The following LRRC7 variants were observed in gnomAD, a reference collection of about 807,000 sequenced individuals.
LRRC7 encodes the protein leucine rich repeat containing 7, also known as leucine-rich repeat-containing protein 7.
A neutral mutation model predicts 175.7 loss-of-function variants in LRRC7; 23 were observed. The observed-to-expected ratio is 0.13, with a 90% CI of 0.09 to 0.19. The LOEUF is 0.19. Ranked by LOEUF, LRRC7 falls within the 10% of genes least tolerant of loss-of-function variation. LRRC7 has a pLI of 1.00. For synonymous variants in LRRC7, 685 were observed against 680.9 expected, an observed-to-expected ratio of 1.01 and a Z score of -0.09; for missense variants, 1,354 against 1,904.7, an observed-to-expected ratio of 0.71 and a Z score of 5.38.
intron 11 of LRRC7, among the ~76,000 whole-genome samples, chr1:69,999,652 A>G (rs1655337165): frequency 6.6e-6 from 1 of 152,202 alleles, no homozygotes; most frequent in African/African-American, 2.4e-5. Context: ...AGGTACTAAT[A>G]GTTCAGGTGT....
chr1:69,832,395 A>G (rs1334582987), intron 5 of LRRC7, among the ~76,000 whole-genome samples: 1 of 152,150 alleles, frequency 6.6e-6, no homozygotes, highest in Admixed American at 6.6e-5. Flanking sequence ...GGGGCAGGCA[A>G]TCATGATTTG....
chr1:69,768,152 T>C (rs1288687266), intron 3 of LRRC7, among the ~76,000 whole-genome samples: 1 of 152,164 alleles, frequency 6.6e-6, no homozygotes, highest in African/African-American at 2.4e-5. Context: ...GCCCATGAAA[T>C]AGCAGAAATC....
chr1:69,945,462 C>T (rs1649206718), intron 8 of LRRC7, among the ~76,000 whole-genome samples: 1 of 152,016 alleles, frequency 6.6e-6, no homozygotes, highest in Non-Finnish European at 1.5e-5. Context: ...GTTCTTTTTG[C>T]TCAAGATTGC....
At chr1:69,939,037 A>ATCTATC (rs1392909991) in intron 8 of LRRC7, among the ~76,000 whole-genome samples, 2 of 80,938 alleles carry the variant, frequency 2.5e-5, no homozygotes, top group African/African-American at 7.7e-5. Context: ...ATATCTATAT[A>ATCTATC]TATCTATATC....
At chr1:69,753,047 G>A (rs2100905122) in intron 2 of LRRC7, among the ~76,000 whole-genome samples, 2 of 152,198 alleles carry the variant, frequency 1.3e-5, no homozygotes, top group East Asian at 3.9e-4. Flanking sequence ...ATACTGGACG[G>A]TGGCCATGTT....
intron 7 of LRRC7, among the ~76,000 whole-genome samples, chr1:69,880,760 A>G (rs924994468): frequency 6.8e-6 from 1 of 146,432 alleles, no homozygotes; most frequent in Admixed American, 6.6e-5. Flanking sequence ...CTTGTCATAT[A>G]TAAGGAAAAA....
At chr1:70,025,297 TTAATAA>T (rs1446353227) in intron 17 of LRRC7, among the ~76,000 whole-genome samples, 3 of 150,840 alleles carry the variant, frequency 2.0e-5, no homozygotes, top group African/African-American at 7.3e-5. Flanking sequence ...ACCTATAGAA[TTAATAA>T]TAATGTTTAT....
intron 8 of LRRC7, among the ~76,000 whole-genome samples, chr1:69,967,985 G>T (rs916505773): frequency 2.6e-5 from 4 of 152,020 alleles, no homozygotes; most frequent in African/African-American, 7.2e-5. Flanking sequence ...TAATTCAGAA[G>T]GTTAGTTATT....
At chr1:69,907,894 A>G (rs1227950569) in intron 7 of LRRC7, among the ~76,000 whole-genome samples, 5 of 151,540 alleles carry the variant, frequency 3.3e-5, no homozygotes, top group African/African-American at 4.9e-5. Context: ...CTGGTCCTGG[A>G]CTCTTTTTGG....
intron 2 of LRRC7, among the ~76,000 whole-genome samples, chr1:69,704,718 A>T (rs1352378364): frequency 2.0e-5 from 3 of 151,996 alleles, no homozygotes; most frequent in African/African-American, 7.2e-5. Flanking sequence ...CATAAATCTA[A>T]TACATTGTAT....
chr1:69,674,003 T>G (rs1659454011), intron 1 of LRRC7, among the ~76,000 whole-genome samples: 1 of 152,050 alleles, frequency 6.6e-6, no homozygotes, highest in Non-Finnish European at 1.5e-5. Flanking sequence ...ATATATATTT[T>G]ACATCTATAA....
chr1:69,927,870 G>A (rs986150221), intron 7 of LRRC7, among the ~76,000 whole-genome samples: 3 of 152,186 alleles, frequency 2.0e-5, no homozygotes, highest in Non-Finnish European at 4.4e-5. Context: ...TTCCTTTGGA[G>A]GAGGAGAGGC....
chr1:69,805,295 A>T (rs1400477457), intron 4 of LRRC7, among the ~76,000 whole-genome samples: 1 of 151,772 alleles, frequency 6.6e-6, no homozygotes, highest in Non-Finnish European at 1.5e-5. Flanking sequence ...TAGAAAAAGC[A>T]TATATGGGTA....
At chr1:70,117,779 A>G (rs1262583221) in intron 26 of LRRC7, among the ~76,000 whole-genome samples, 1 of 151,960 alleles carries the variant, frequency 6.6e-6, no homozygotes, top group Non-Finnish European at 1.5e-5. Context: ...CTCATTTTTC[A>G]TTAGGTTGCA....
At chr1:69,650,005 A>G (rs1655563954) in intron 1 of LRRC7, among the ~76,000 whole-genome samples, 1 of 152,192 alleles carries the variant, frequency 6.6e-6, no homozygotes, top group Non-Finnish European at 1.5e-5. Flanking sequence ...GGTAAGATAC[A>G]GTTAGAGAAT....
chr1:70,067,860 C>T (rs1662095402), intron 23 of LRRC7, among the ~76,000 whole-genome samples: 1 of 152,024 alleles, frequency 6.6e-6, no homozygotes, highest in Non-Finnish European at 1.5e-5. Context: ...CTAAGTATTG[C>T]ATTTTTTGAA....
At chr1:69,995,394 CT>C (rs149423160) in intron 11 of LRRC7, among the ~76,000 whole-genome samples, 6,877 of 148,820 alleles carry the variant, frequency 0.046, 175 homozygotes, top group South Asian at 0.11. Flanking sequence ...CATATAAATT[CT>C]TTTTTTTTTA....
chr1:69,633,648 T>G (rs1294795320), intron 1 of LRRC7, among the ~76,000 whole-genome samples: 1 of 152,040 alleles, frequency 6.6e-6, no homozygotes, highest in Middle Eastern at 3.2e-3. Context: ...AGGCCGATTA[T>G]GAATTCCTGA....
At chr1:69,815,376 A>G (rs1185795355) in intron 4 of LRRC7, among the ~76,000 whole-genome samples, 1 of 152,170 alleles carries the variant, frequency 6.6e-6, no homozygotes, top group African/African-American at 2.4e-5. Flanking sequence ...CAGCTCAGTT[A>G]AGTTTAAAAT....
Sources: gnomAD v4.1 joint callset for allele counts (sites outside exome capture counted in the v4.1 genomes callset) on GRCh38, gnomAD v4.1.1 for gene constraint, MANE v1.5 for transcripts, NCBI Gene and HGNC (gene_info 2026-07-23, HGNC 2026-07-21) for gene names.